The following PCDHGA6 variants were observed in gnomAD, a reference collection of about 807,000 sequenced individuals.
PCDHGA6 encodes the protein protocadherin gamma-A6.
PCDHGA6 carries 41 observed loss-of-function variants against 60.6 expected under a neutral mutation model. That is an observed-to-expected ratio of 0.68 (90% confidence interval 0.53 to 0.88). The LOEUF (loss-of-function observed/expected upper bound fraction) is 0.88. Ranked by LOEUF, PCDHGA6 falls within the 40% of genes least tolerant of loss-of-function variation. The pLI is 0.00. For synonymous variants in PCDHGA6, 594 were observed against 524.4 expected (o/e 1.13, Z -1.81); for missense variants, 1,312 against 1,203.0 (o/e 1.09, Z -1.34).
At chr5:141,507,810 G>C (rs550331241) in intron 3 of PCDHGA6, among the ~76,000 whole-genome samples, 5 of 152,172 alleles carry the variant, frequency 3.3e-5, no homozygotes, top group Non-Finnish European at 2.9e-5. Context: ...CCTGGGGAAC[G>C]GACCCTGGGG....
intron 1 of PCDHGA6, chr5:141,408,066 G>T: frequency 7.3e-7 from 1 of 1,364,656 alleles, no homozygotes; most frequent in Non-Finnish European, 9.7e-7. Flanking sequence ...CGGCTGCGCA[G>T]ACCTTTCCCA....
Position 141,431,222 on chromosome 5 carries a change from C to A in PCDHGA6, c.2424+54715C>A. On this transcript the variant is annotated intron_variant, in intron 1 of 3. Transcript: ENST00000517434. The surrounding 1 kb of genome is among the most constrained non-coding windows in gnomAD (Gnocchi z 4.8). ...AGCCACTGAGATGCGGTTCCCTCTA[C>A]CCCACGCCTGGGATCCGGATATCGG... 3 of 1,614,170 alleles carry A rather than the reference C, an allele frequency of 1.9e-6. No individual in the cohort carries two copies. The highest frequency in any genetic ancestry group is 2.5e-6 in the Non-Finnish European group (3 of 1,180,034).
At position 141,476,251 on chromosome 5, in the gene PCDHGA6, C is replaced by T; in HGVS notation, c.2425-18556C>T. On this transcript the variant is annotated intron_variant, in intron 1 of 3. Coordinates refer to ENST00000517434, the MANE Select transcript of PCDHGA6 (RefSeq NM_018919.3). This position sits in a 1 kb window ranked among gnomAD's most constrained non-coding sequence, Gnocchi z 7.6. The stretch of plus-strand genomic sequence containing the variant: ...TCCCGGAGGAAAGAGAGAAGGGTTT[C>T]GCTGTGGGCAACGTGGTCGCGAACC... 1 of 1,613,866 alleles carries T rather than the reference C, an allele frequency of 6.2e-7. No homozygotes were observed. The highest frequency in any genetic ancestry group is 8.5e-7 in the Non-Finnish European group (1 of 1,179,978).
At chr5:141,470,942 C>T (rs1156728317) in intron 1 of PCDHGA6, among the ~76,000 whole-genome samples, 1 of 152,020 alleles carries the variant, frequency 6.6e-6, no homozygotes, top group Non-Finnish European at 1.5e-5. Context: ...GTCTCAAATT[C>T]CTGGCCTCAA....
At chr5:141,389,266 A>C in intron 1 of PCDHGA6, 1 of 1,614,022 alleles carries the variant, frequency 6.2e-7, no homozygotes, top group Non-Finnish European at 8.5e-7. Flanking sequence ...CACGTGGCCG[A>C]GAACAACCCG....
At chr5:141,381,992 G>A (rs553767265) in intron 1 of PCDHGA6, among the ~76,000 whole-genome samples, 50 of 151,748 alleles carry the variant, frequency 3.3e-4, no homozygotes, top group African/African-American at 1.1e-3. Context: ...ACCACGCCCG[G>A]ATAATTTTGT....
chr5:141,423,268 T>G (rs752667215), intron 1 of PCDHGA6: 1 of 1,613,552 alleles, frequency 6.2e-7, no homozygotes, highest in South Asian at 1.1e-5. Flanking sequence ...CAGCCTCGAG[T>G]CTCTGGCTAA....
intron 2 of PCDHGA6, among the ~76,000 whole-genome samples, chr5:141,497,962 G>A (rs2099780751): frequency 6.6e-6 from 1 of 152,236 alleles, no homozygotes; most frequent in African/African-American, 2.4e-5. Context: ...TGGCCAGGCA[G>A]TGTTCTCGAT....
Position 141,490,254 on chromosome 5 carries a change from G to A in PCDHGA6, c.2425-4553G>A. The A allele has an allele frequency of 6.2e-7, 1 of 1,614,236 alleles. No homozygotes were observed. Among genetic ancestry groups the A allele is most frequent in the Non-Finnish European group, 8.5e-7 (1 of 1,180,038 alleles). ...TGGAGGGCCACTGTGTGATTCAAGT[G>A]GATGTGGGGGATGTCAATGACAATG... On this transcript the variant is annotated intron_variant, in intron 1 of 3. Coordinates refer to ENST00000517434, the MANE Select transcript of PCDHGA6 (RefSeq NM_018919.3). The surrounding 1 kb of genome is among the most constrained non-coding windows in gnomAD (Gnocchi z 5.4).
intron 1 of PCDHGA6, among the ~76,000 whole-genome samples, chr5:141,443,505 A>G (rs553893860): frequency 4.4e-4 from 67 of 152,222 alleles, no homozygotes; most frequent in African/African-American, 1.4e-3. Context: ...AAACAAATAA[A>G]GAGCTTCTCT....
In PCDHGA6 at chr5:141,431,616, A is replaced by G. The variant is rs776151297; in HGVS notation, c.2424+55109A>G. 1 of 1,614,250 alleles carries G rather than the reference A, an allele frequency of 6.2e-7. No individual in the cohort carries two copies. Among genetic ancestry groups the G allele is most frequent in the Non-Finnish European group, 8.5e-7 (1 of 1,180,042 alleles). ...AGGTATTCCTTCCGGTATGTGGACG[A>G]CAAGGCGGCCCAAGTTTTCAAACTA... On this transcript the variant is annotated intron_variant, in intron 1 of 3. Transcript: ENST00000517434. This position sits in a 1 kb window ranked among gnomAD's most constrained non-coding sequence, Gnocchi z 4.8.
chr5:141,478,315 A>G, intron 1 of PCDHGA6: 1 of 1,613,998 alleles, frequency 6.2e-7, no homozygotes, highest in Non-Finnish European at 8.5e-7. Flanking sequence ...CGGTGAGCTC[A>G]CTGTACCGAA....
intron 1 of PCDHGA6, chr5:141,384,170 C>A: frequency 6.2e-7 from 1 of 1,613,736 alleles, no homozygotes; most frequent in Non-Finnish European, 8.5e-7. Flanking sequence ...ACACTGAAAG[C>A]CACAGATGGT....
intron 1 of PCDHGA6, chr5:141,398,627 T>C: frequency 6.2e-7 from 1 of 1,614,044 alleles, no homozygotes; most frequent in Non-Finnish European, 8.5e-7. Context: ...TTAAACTCTC[T>C]GCAGAAGTAT....
intron 1 of PCDHGA6, among the ~76,000 whole-genome samples, chr5:141,449,680 T>C (rs2098651613): frequency 6.6e-6 from 1 of 151,546 alleles, no homozygotes; most frequent in Admixed American, 6.6e-5. Flanking sequence ...TATGTATATA[T>C]GTTTGTGTGT....
chr5:141,489,111 C>G lies in PCDHGA6; in HGVS notation c.2425-5696C>G. 1.9e-6 allele frequency: 1 copy of G among 518,042 alleles called. No individual in the cohort carries two copies. Among genetic ancestry groups the G allele is most frequent in the Non-Finnish European group, 3.2e-6 (1 of 308,182 alleles). The allele number at this position is 518,042 out of a possible 1,614,324, so 32.1% of individuals were successfully genotyped here. The stretch of plus-strand genomic sequence containing the variant: ...GTGACTAAGAACTGCTGCAAGCAGG[C>G]AAACCTCCGAGCAGTTTTTAAGAGG... On this transcript the variant is annotated intron_variant, in intron 1 of 3. Coordinates refer to ENST00000517434, the MANE Select transcript of PCDHGA6 (RefSeq NM_018919.3). This position sits in a 1 kb window ranked among gnomAD's most constrained non-coding sequence, Gnocchi z 4.5.
At chr5:141,405,083 C>T in intron 1 of PCDHGA6, 1 of 1,613,942 alleles carries the variant, frequency 6.2e-7, no homozygotes, top group Non-Finnish European at 8.5e-7. Flanking sequence ...CGTTATCACG[C>T]TGCTGGCCCT....
Position 141,374,458 on chromosome 5 carries a change from C to T in PCDHGA6, c.375C>T (p.Asp125=), listed in dbSNP as rs1183222146. Residue 125 remains aspartate (D), a synonymous_variant, in exon 1 of 4, where the codon GAC becomes GAT. Coordinates refer to ENST00000517434, the MANE Select transcript of PCDHGA6 (RefSeq NM_018919.3). ...ATCCCGTGGAAGTGGAAATAGTGGA[C>T]ATTAATGACAATACACCCCGATTCT... is the stretch of plus-strand genomic sequence containing the variant. ...NLYPVEVEIV[D]INDNTPRFLK... is the part of the protein sequence containing the mutation. The T allele has an allele frequency of 6.2e-7, 1 of 1,613,426 alleles. No homozygotes were observed.
At chr5:141,435,180 C>G (rs1341148119) in intron 1 of PCDHGA6, among the ~76,000 whole-genome samples, 1 of 152,074 alleles carries the variant, frequency 6.6e-6, no homozygotes, top group African/African-American at 2.4e-5. Context: ...TTTAACTACA[C>G]TTGAGATGGC....
Sources: allele counts gnomAD v4.1 joint callset (sites outside exome capture counted in the v4.1 genomes callset), GRCh38; gene constraint gnomAD v4.1.1; non-coding constraint Gnocchi (gnomAD v3.1); transcripts MANE v1.5; gene names NCBI Gene and HGNC (gene_info 2026-07-23, HGNC 2026-07-21).